The following UIMC1 variants were observed in gnomAD, a reference collection of about 807,000 sequenced individuals.
UIMC1 encodes ubiquitin interaction motif containing 1.
Under a neutral mutation model 84.9 loss-of-function variants are expected in UIMC1, and 42 were observed. The ratio of observed to expected loss-of-function variants is 0.49; its 90% CI spans 0.39 to 0.64. The LOEUF (loss-of-function observed/expected upper bound fraction) is 0.64, where lower values mean the gene tolerates loss of function less well. UIMC1 is among the 30% of genes least tolerant of loss of function. The probability of loss-of-function intolerance (pLI) is 0.00; values close to 1 mark genes in which losing one functional copy is unlikely to be tolerated. For synonymous variants in UIMC1, 281 were observed against 293.0 expected (o/e 0.96, Z 0.42); for missense variants, 825 against 847.6 (o/e 0.97, Z 0.33).
intron 1 of UIMC1, among the ~76,000 whole-genome samples, chr5:177,013,396 A>ACACACACG: frequency 6.6e-6 from 1 of 151,722 alleles, no homozygotes; most frequent in South Asian, 2.1e-4. Context: ...ACACACACAC[A>ACACACACG]CACACAAAGA....
chr5:176,910,221 G>C lies in UIMC1; in HGVS notation c.1676+1090C>G, dbSNP rs528617977. 2.6e-5 allele frequency among the ~76,000 whole-genome samples: 4 copies of C among 152,326 alleles called. No individual in the cohort carries two copies. The East Asian group carries it at 7.7e-4, about 29-fold the overall frequency. ...GTAAGATTCCAAAGGGATCAGCTCT[G>C]CTCAACTAAATTAGGGAAGACAGCC... On this transcript the variant is annotated intron_variant, in intron 11 of 14. Transcript: ENST00000511320.
At chr5:176,983,690 G>C (rs1054419762) in intron 1 of UIMC1, among the ~76,000 whole-genome samples, 6 of 152,104 alleles carry the variant, frequency 3.9e-5, no homozygotes, top group African/African-American at 1.4e-4. Context: ...CTGCCTGGCT[G>C]CCCATCGTCT....
intron 10 of UIMC1, among the ~76,000 whole-genome samples, 181 bp downstream of exon 10, chr5:176,943,154 C>T (rs998488118): frequency 6.6e-6 from 1 of 152,108 alleles, no homozygotes; most frequent in African/African-American, 2.4e-5. Flanking sequence ...GGACAAAATA[C>T]CTGCTAAAAG....
At chr5:176,911,410 T>C (rs1350079370) in intron 10 of UIMC1, 21 bp from the exon 11 acceptor site, 2 of 1,489,280 alleles carry the variant, frequency 1.3e-6, no homozygotes, top group Admixed American at 2.0e-5. Flanking sequence ...AAAAAATATA[T>C]ATATATACAC....
At chr5:176,987,642 C>A (rs1284729429) in intron 1 of UIMC1, among the ~76,000 whole-genome samples, 21 of 151,860 alleles carry the variant, frequency 1.4e-4, no homozygotes, top group Non-Finnish European at 1.5e-5. Flanking sequence ...CAGAGTGGGA[C>A]CCTGTCTCAA....
At chr5:176,981,508 T>C (rs899128969) in intron 2 of UIMC1, among the ~76,000 whole-genome samples, 6 of 152,118 alleles carry the variant, frequency 3.9e-5, no homozygotes, top group East Asian at 1.9e-4. Context: ...ACCAAAAATA[T>C]GTCATTTTTT....
At chr5:176,940,963 G>T (rs1487508231) in intron 10 of UIMC1, among the ~76,000 whole-genome samples, 2 of 152,164 alleles carry the variant, frequency 1.3e-5, no homozygotes, top group African/African-American at 4.8e-5. Context: ...ACAGAGGTGG[G>T]ACTCAAGCTC....
At chr5:176,951,978 G>C (rs1482641502) in intron 8 of UIMC1, among the ~76,000 whole-genome samples, 1 of 152,006 alleles carries the variant, frequency 6.6e-6, no homozygotes, top group African/African-American at 2.4e-5. Context: ...CTATAATTTT[G>C]TCTCTCATAT....
At chr5:176,950,597 C>T (rs1053818462) in intron 9 of UIMC1, among the ~76,000 whole-genome samples, 1 of 151,028 alleles carries the variant, frequency 6.6e-6, no homozygotes, top group African/African-American at 2.4e-5. Context: ...GGACCGGGCG[C>T]GGTGGCTCAC....
At chr5:176,979,535 G>A (rs1010146930) in intron 2 of UIMC1, among the ~76,000 whole-genome samples, 9 of 151,688 alleles carry the variant, frequency 5.9e-5, no homozygotes, top group African/African-American at 1.9e-4. Context: ...CCTGGGAGGC[G>A]GACGTCGCAG....
intron 1 of UIMC1, 60 bp from the exon 2 acceptor site, chr5:176,982,683 T>C: frequency 6.6e-7 from 1 of 1,518,238 alleles, no homozygotes; most frequent in East Asian, 2.4e-5. Context: ...ACTTAAAGTA[T>C]AAGTTTTCTA....
rs202149575 is a variant in UIMC1, at chr5:176,970,698, T to C, written c.357+44A>G. The C allele has an allele frequency of 1.4e-4, 225 of 1,613,292 alleles. 1 individual carries two copies. The Middle Eastern group carries it at 2.1e-3, about 15-fold the overall frequency. ...TACAACACCACAGAAGTCAAAAATA[T>C]AGCTGATCAATCTCCACAAACTTTT... On this transcript the variant is annotated intron_variant, in intron 4 of 14. Coordinates refer to ENST00000511320, the MANE Select transcript of UIMC1 (RefSeq NM_001199298.2).
chr5:176,959,083 G>A (rs893832863), intron 6 of UIMC1, among the ~76,000 whole-genome samples: 1 of 152,224 alleles, frequency 6.6e-6, no homozygotes, highest in Non-Finnish European at 1.5e-5. Context: ...ATCAGGAATA[G>A]TTGAGTTTTC....
At chr5:176,957,997 T>G in intron 7 of UIMC1, 96 bp downstream of exon 7, 2 of 1,151,660 alleles carry the variant, frequency 1.7e-6, no homozygotes, top group Non-Finnish European at 2.4e-6. Flanking sequence ...AAAAGTTCTC[T>G]GGCAAGCTGT....
intron 10 of UIMC1, among the ~76,000 whole-genome samples, chr5:176,914,501 T>C (rs548070848): frequency 8.5e-5 from 13 of 152,222 alleles, no homozygotes; most frequent in Non-Finnish European, 5.9e-5. Context: ...TAGGAAATTA[T>C]GAGGCACTGT....
chr5:176,957,965 A>G (rs1766817913), intron 7 of UIMC1, 128 bp downstream of exon 7: 1 of 680,836 alleles, frequency 1.5e-6, no homozygotes, highest in East Asian at 2.8e-5. Flanking sequence ...AATTTCTCCT[A>G]GTCTTCACTT....
intron 2 of UIMC1, among the ~76,000 whole-genome samples, chr5:176,977,582 C>CAA (rs1270486136): frequency 6.7e-4 from 32 of 47,696 alleles, no homozygotes; most frequent in Admixed American, 1.2e-3. Context: ...GACTCCATCT[C>CAA]AAAAAAAAAA....
At chr5:176,971,333 G>A (rs7718335) in intron 3 of UIMC1, among the ~76,000 whole-genome samples, 14,913 of 152,190 alleles carry the variant, frequency 0.098, 1,527 homozygotes, top group African/African-American at 0.26. Flanking sequence ...CAAGAATGTG[G>A]TCTCCAGACA....
Position 176,905,218 on chromosome 5 carries a change from T to C in UIMC1, c.*64A>G, listed in dbSNP as rs1759190244. The C allele has an allele frequency of 2.6e-6, 4 of 1,558,130 alleles. No homozygotes were observed. Among genetic ancestry groups the C allele is most frequent in the East Asian group, 2.3e-5 (1 of 44,396 alleles). On this transcript the variant is annotated 3_prime_UTR_variant, in exon 15 of 15. Coordinates refer to ENST00000511320, the MANE Select transcript of UIMC1 (RefSeq NM_001199298.2). ...CTCAACAATGAACTAGGGACCACTA[T>C]GGCTTAATGAACATGGCCCACCCCT...
Sources: gnomAD v4.1 joint callset for allele counts (sites outside exome capture counted in the v4.1 genomes callset) on GRCh38, gnomAD v4.1.1 for gene constraint, MANE v1.5 for transcripts, NCBI Gene and HGNC (gene_info 2026-07-23, HGNC 2026-07-21) for gene names.